PREP: variants seen among roughly 807,000 people sequenced by gnomAD.
PREP encodes the protein prolyl endopeptidase.
In PREP, 29 loss-of-function variants were observed where a neutral mutation model predicts 87.6. The ratio of observed to expected loss-of-function variants is 0.33; its 90% CI spans 0.25 to 0.45. The LOEUF (loss-of-function observed/expected upper bound fraction) is 0.45, where lower values mean the gene tolerates loss of function less well. Ranked by LOEUF, PREP falls within the 20% of genes least tolerant of loss-of-function variation. The probability of loss-of-function intolerance (pLI) is 1.00; values close to 1 mark genes in which losing one functional copy is unlikely to be tolerated. For missense variants in PREP, 695 were observed against 886.5 expected, an observed-to-expected ratio of 0.78 and a Z score of 2.74; for synonymous variants, 337 against 328.6, an observed-to-expected ratio of 1.03 and a Z score of -0.28.
chr6:105,354,152 T>A (rs73770181), intron 6 of PREP, among the ~76,000 whole-genome samples: 3,232 of 152,312 alleles, frequency 0.021, 116 homozygotes, highest in African/African-American at 0.075. Context: ...TGCTGTATAG[T>A]ATTACAATCC....
chr6:105,362,715 A>C (rs1324889642), intron 6 of PREP, among the ~76,000 whole-genome samples: 6 of 152,208 alleles, frequency 3.9e-5, no homozygotes, highest in African/African-American at 7.2e-5. Flanking sequence ...AGCACGGTGA[A>C]TATTATCACA....
intron 6 of PREP, among the ~76,000 whole-genome samples, chr6:105,355,634 T>G (rs1013144316): frequency 1.3e-5 from 2 of 152,338 alleles, no homozygotes; most frequent in Non-Finnish European, 1.5e-5. Context: ...ATTTCTGTAT[T>G]TTATCAAATT....
chr6:105,347,373 T>C (rs1771826857), intron 7 of PREP, among the ~76,000 whole-genome samples: 2 of 152,210 alleles, frequency 1.3e-5, no homozygotes, highest in Admixed American at 1.3e-4. Context: ...CATTAATGCA[T>C]GTCTAATTCA....
intron 7 of PREP, among the ~76,000 whole-genome samples, chr6:105,344,486 C>T (rs1273842825): frequency 1.0e-4 from 14 of 133,486 alleles, no homozygotes; most frequent in African/African-American, 2.9e-4. Context: ...AGTGAGACTC[C>T]GTCTCAAAAA....
At chr6:105,358,915 G>A (rs1196914903) in intron 6 of PREP, among the ~76,000 whole-genome samples, 1 of 152,148 alleles carries the variant, frequency 6.6e-6, no homozygotes, top group African/African-American at 2.4e-5. Context: ...ACAGGCTCAA[G>A]GGCAAAAGCC....
At chr6:105,322,805 A>G in intron 10 of PREP, 1 of 1,101,324 alleles carries the variant, frequency 9.1e-7, no homozygotes. Flanking sequence ...TTCATGATCT[A>G]GATGTAGCCT....
At chr6:105,375,250 A>G (rs916270587) in intron 4 of PREP, among the ~76,000 whole-genome samples, 4 of 152,204 alleles carry the variant, frequency 2.6e-5, no homozygotes, top group African/African-American at 7.2e-5. Context: ...ACGGGGCTCT[A>G]TAACTCCCAT....
intron 2 of PREP, among the ~76,000 whole-genome samples, chr6:105,382,313 A>ACAC: frequency 1.3e-5 from 2 of 149,420 alleles, no homozygotes; most frequent in African/African-American, 2.5e-5. Context: ...ACACACACAC[A>ACAC]AAGTATGTGA....
At chr6:105,375,715 C>T (rs907510951) in intron 4 of PREP, among the ~76,000 whole-genome samples, 1 of 152,212 alleles carries the variant, frequency 6.6e-6, no homozygotes, top group Non-Finnish European at 1.5e-5. Flanking sequence ...GGAAACTGAT[C>T]TGATAAACAT....
chr6:105,302,402 ACTTTT>A (rs1770555694), intron 10 of PREP: 3 of 222,388 alleles, frequency 1.3e-5, no homozygotes, highest in Admixed American at 5.5e-5. Context: ...TTAAATACAC[ACTTTT>A]CTTTTGTTCT....
chr6:105,327,612 C>T (rs1264952879), intron 9 of PREP, among the ~76,000 whole-genome samples: 1 of 152,204 alleles, frequency 6.6e-6, no homozygotes, highest in Non-Finnish European at 1.5e-5. Context: ...ACATCACTGT[C>T]AACTGGCCAA....
rs965030213 is a variant in PREP, at chr6:105,281,702, T to C, written c.1838+44A>G. ...ATCCTGCTGTGACTGTGTTCAACTT[T>C]ATATCAAACCACTAACAACATATAT... On this transcript the variant is annotated intron_variant, in intron 14 of 14. Coordinates refer to ENST00000652536, the MANE Select transcript of PREP (RefSeq NM_002726.5). The C allele has an allele frequency of 7.5e-6, 12 of 1,591,388 alleles. No homozygotes were observed. In the South Asian group the frequency reaches 1.2e-4, roughly 15 times the overall value.
Position 105,402,941 on chromosome 6 carries a change from G to T in PREP, c.-50C>A. ...GTGGAGGGGCGCGGGCTCCGGGAGC[G>T]GACCTGAGCTAGCCGGGCTGGCCGC... On this transcript the variant is annotated 5_prime_UTR_variant, in exon 1 of 15. Transcript: ENST00000652536. The T allele has an allele frequency of 8.7e-7, 1 of 1,155,248 alleles. No individual in the cohort carries two copies. The allele number at this position is 1,155,248 out of a possible 1,614,324, so 71.6% of individuals were successfully genotyped here.
chr6:105,334,282 C>T (rs1317885908), intron 7 of PREP, among the ~76,000 whole-genome samples: 1 of 152,256 alleles, frequency 6.6e-6, no homozygotes, highest in Non-Finnish European at 1.5e-5. Flanking sequence ...ACTTAGCCAA[C>T]TGCAGATGGT....
At chr6:105,383,766 A>C (rs1340238528) in intron 2 of PREP, among the ~76,000 whole-genome samples, 1 of 152,142 alleles carries the variant, frequency 6.6e-6, no homozygotes, top group Non-Finnish European at 1.5e-5. Context: ...CCTGATATTC[A>C]AGCCTTGTTC....
At chr6:105,334,767 G>A (rs1771437242) in intron 7 of PREP, among the ~76,000 whole-genome samples, 3 of 134,906 alleles carry the variant, frequency 2.2e-5, no homozygotes, top group Non-Finnish European at 4.7e-5. Context: ...TGTTGCCCAG[G>A]CTTGAACACA....
At position 105,402,963 on chromosome 6, in the gene PREP, C is replaced by T. The variant is rs552971675; in HGVS notation, c.-72G>A. On this transcript the variant is annotated 5_prime_UTR_variant, in exon 1 of 15. Transcript: ENST00000652536. ...AGCGGACCTGAGCTAGCCGGGCTGG[C>T]CGCGAGGCGCGGCTGGGGCGCAGGC... is the stretch of plus-strand genomic sequence containing the variant. 9.2e-6 allele frequency: 8 copies of T among 872,186 alleles called. No homozygotes were observed. The East Asian group carries it at 2.5e-4, about 27-fold the overall frequency. 54.0% of individuals were successfully genotyped at this position (872,186 alleles called of 1,614,324 possible).
chr6:105,387,054 A>T (rs1216015198), intron 2 of PREP, among the ~76,000 whole-genome samples: 1 of 152,166 alleles, frequency 6.6e-6, no homozygotes, highest in African/African-American at 2.4e-5. Flanking sequence ...CTCTACTAAA[A>T]ATACAAAAAT....
At chr6:105,382,247 T>C (rs1772861918) in intron 2 of PREP, among the ~76,000 whole-genome samples, 1 of 148,916 alleles carries the variant, frequency 6.7e-6, no homozygotes, top group African/African-American at 2.5e-5. Context: ...TGAAAATTGC[T>C]AAGAGGGATT....
Sources: allele counts gnomAD v4.1 joint callset (sites outside exome capture counted in the v4.1 genomes callset), GRCh38; gene constraint gnomAD v4.1.1; transcripts MANE v1.5; gene names NCBI Gene and HGNC (gene_info 2026-07-23, HGNC 2026-07-21).